SLC9C2: variants seen among roughly 807,000 people sequenced by gnomAD.
The protein encoded by SLC9C2 is sodium/hydrogen exchanger 11.
SLC9C2 carries 75 observed loss-of-function variants against 140.2 expected under a neutral mutation model. The ratio of observed to expected loss-of-function variants is 0.53; its 90% CI spans 0.44 to 0.65. The LOEUF (loss-of-function observed/expected upper bound fraction) is 0.65. Ranked by LOEUF, SLC9C2 falls within the 30% of genes least tolerant of loss-of-function variation. The probability of loss-of-function intolerance (pLI) is 0.00; values close to 1 mark genes in which losing one functional copy is unlikely to be tolerated. For missense variants in SLC9C2, 1,074 were observed against 1,331.8 expected (o/e 0.81, Z 3.01); for synonymous variants, 375 against 420.9 (o/e 0.89, Z 1.34).
rs887627182 is a variant in SLC9C2 at position 173,573,179 on chromosome 1, T to C, written c.1046+3A>G. 6.5e-7 allele frequency: 1 copy of C among 1,532,266 alleles called. No homozygotes were observed. 94.9% of individuals were successfully genotyped at this position (1,532,266 alleles called of 1,614,324 possible). On this transcript the variant is annotated splice_donor_region_variant and intron_variant, in intron 9 of 27. Transcript: ENST00000367714. ...TAAACAAACTTTAAAATATTATTCT[T>C]ACCTTACCAAATTCACTGTTGTAAA...
At chr1:173,527,367 G>A (rs530058563) in intron 18 of SLC9C2, among the ~76,000 whole-genome samples, 3 of 152,152 alleles carry the variant, frequency 2.0e-5, no homozygotes, top group Non-Finnish European at 4.4e-5. Context: ...GCACCAAGGA[G>A]AATTCTCATA....
At chr1:173,587,877 G>T in intron 4 of SLC9C2, 47 bp from the exon 5 acceptor site, 2 of 1,396,618 alleles carry the variant, frequency 1.4e-6, no homozygotes, top group South Asian at 1.4e-5. Flanking sequence ...ATCTAAAGAT[G>T]GCATGATGGC....
At chr1:173,591,730 TG>T (rs1025496556) in intron 4 of SLC9C2, among the ~76,000 whole-genome samples, 1 of 152,234 alleles carries the variant, frequency 6.6e-6, no homozygotes, top group African/African-American at 2.4e-5. Flanking sequence ...GTTGTTTTCT[TG>T]TAAATTTGTC....
chr1:173,506,533 C>T (rs967972066), intron 25 of SLC9C2, among the ~76,000 whole-genome samples: 3 of 152,228 alleles, frequency 2.0e-5, no homozygotes, highest in African/African-American at 4.8e-5. Context: ...TGCTAGAACA[C>T]GGCATCGTTG....
rs1355272728 is a variant in SLC9C2, at chr1:173,554,803, A to C, written c.1227T>G (p.Tyr409Ter). Reference sequence around the variant, plus strand: ...TTGTCAATAATGATATTACTTGTACATAGAGTATAAACTAAAAACAAAGCA... The same window carrying C: ...TTGTCAATAATGATATTACTTGTACCTAGAGTATAAACTAAAAACAAAGCA... ...KVEVPQMFIL[Y>*]VQVISLLTMG... The change falls in exon 11 of 28, where the codon TAT (tyrosine) becomes TAG (stop). Residue 409 changes from tyrosine (Y) to a stop codon, truncating the protein, a stop_gained. Coordinates refer to ENST00000367714, the MANE Select transcript of SLC9C2 (RefSeq NM_178527.4). LOFTEE classifies it high-confidence loss of function. 1 of 1,587,100 alleles carries C rather than the reference A, an allele frequency of 6.3e-7. No homozygotes were observed. Among genetic ancestry groups the C allele is most frequent in the Admixed American group, 1.7e-5 (1 of 59,712 alleles).
At position 173,535,943 on chromosome 1, in the gene SLC9C2, C is replaced by A. The variant is rs1275449677; in HGVS notation, c.1662G>T (p.Met554Ile). 1.3e-6 allele frequency: 2 copies of A among 1,502,128 alleles called. No individual in the cohort carries two copies. Among genetic ancestry groups the A allele is most frequent in the African/African-American group, 2.9e-5 (2 of 68,396 alleles). The allele number at this position is 1,502,128 out of a possible 1,614,324, so 93.0% of individuals were successfully genotyped here. Residue 554 changes from methionine (M) to isoleucine (I), a missense_variant, in exon 15 of 28, where the codon ATG becomes ATT. By Grantham distance (10) the Met-to-Ile change is conservative. Coordinates refer to ENST00000367714, the MANE Select transcript of SLC9C2 (RefSeq NM_178527.4). The stretch of plus-strand genomic sequence containing the variant: ...TATAAGTTGAAACATCATAAATACT[C>A]ATGAATCTAACAGAGAAAAATGTAC... ...KCYYSIQGKFMSIYDVSTYMR... is the reference protein window; with the variant it reads ...KCYYSIQGKFISIYDVSTYMR...
chr1:173,601,725 A>G lies in SLC9C2; in HGVS notation c.52T>C (p.Cys18Arg), dbSNP rs746528975. 15 of 1,614,052 alleles carry G rather than the reference A, an allele frequency of 9.3e-6. No homozygotes were observed. The East Asian group carries it at 3.1e-4, about 34-fold the overall frequency. ...ACAAGGTAGTCAGCTGGCTGCCCGCAGAGTAAATCAGGTCTGTTACTTTCA... is the reference window on the plus strand; with the variant it reads ...ACAAGGTAGTCAGCTGGCTGCCCGCGGAGTAAATCAGGTCTGTTACTTTCA... ...QNESNRPDLL[C>R]GQPADYLVEE... The change falls in exon 2 of 28, where the codon TGC becomes CGC. Residue 18 changes from cysteine (C) to arginine (R), a missense_variant. Physicochemically the swap from Cys to Arg is radical, Grantham distance 180. Coordinates refer to ENST00000367714, the MANE Select transcript of SLC9C2 (RefSeq NM_178527.4).
intron 9 of SLC9C2, among the ~76,000 whole-genome samples, chr1:173,572,254 A>G (rs896738881): frequency 6.6e-6 from 1 of 152,206 alleles, no homozygotes; most frequent in Admixed American, 6.5e-5. Context: ...AGAAAAGATG[A>G]TAAGATGGCT....
chr1:173,589,551 C>T (rs1486001603), intron 4 of SLC9C2, among the ~76,000 whole-genome samples: 2 of 151,662 alleles, frequency 1.3e-5, no homozygotes, highest in African/African-American at 4.8e-5. Context: ...CAGAGCTAGA[C>T]TCTGTCTCAA....
In SLC9C2 at chr1:173,548,488, C is replaced by G. The variant is rs764336229; in HGVS notation, c.1362G>C (p.Glu454Asp). The G allele has an allele frequency of 6.2e-7, 1 of 1,613,826 alleles. No individual in the cohort carries two copies. Among genetic ancestry groups the G allele is most frequent in the Admixed American group, 1.7e-5 (1 of 59,984 alleles). The change falls in exon 12 of 28, where the codon GAG becomes GAC. Residue 454 changes from glutamate to aspartate, a missense_variant. By Grantham distance (45) the Glu-to-Asp change is conservative (BLOSUM62 2). Coordinates refer to ENST00000367714, the MANE Select transcript of SLC9C2 (RefSeq NM_178527.4). ...ATAAAGTTATTGTGTTCTGTACTAT[C>G]TCCTGTATGTGCTGAGTGGCATTTT... ...ILQNATQHIQEIVQNTITLFK... is the reference protein window; with the variant it reads ...ILQNATQHIQDIVQNTITLFK...
Position 173,534,649 on chromosome 1 carries a change from T to A in SLC9C2, c.1809A>T (p.Ile603=). Residue 603 remains isoleucine (I), a synonymous_variant, in exon 16 of 28, where the codon ATA becomes ATT. Coordinates refer to ENST00000367714, the MANE Select transcript of SLC9C2 (RefSeq NM_178527.4). ...TATATTCAAATTCTTCAGAAAATAC[T>A]ATGTGAAATATAAAAGTCAGAAATG... ...SNTFLTFIFH[I]VFSEEFEYTG... 1 of 1,538,978 alleles carries A rather than the reference T, an allele frequency of 6.5e-7. No individual in the cohort carries two copies. The highest frequency in any genetic ancestry group is 8.7e-7 in the Non-Finnish European group (1 of 1,143,462).
At chr1:173,504,611 T>C (rs1404511968) in intron 26 of SLC9C2, among the ~76,000 whole-genome samples, 2 of 152,032 alleles carry the variant, frequency 1.3e-5, no homozygotes, top group African/African-American at 4.8e-5. Flanking sequence ...GCTGGGAGAA[T>C]TTTGTCATTG....
intron 10 of SLC9C2, among the ~76,000 whole-genome samples, chr1:173,555,506 C>G (rs1335217987): frequency 6.6e-6 from 1 of 152,138 alleles, no homozygotes; most frequent in Non-Finnish European, 1.5e-5. Flanking sequence ...CATACTGACT[C>G]CCGCTGTGGG....
Position 173,522,177 on chromosome 1 carries a change from G to A in SLC9C2, c.2641-778C>T, listed in dbSNP as rs76470462. Among the ~76,000 whole-genome samples, 22 of 151,502 alleles carry A rather than the reference G, an allele frequency of 1.5e-4. No individual in the cohort carries two copies. In the East Asian group the frequency reaches 4.1e-3, roughly 28 times the overall value. ...GTGGAGCTTGCAGTGAGCCGAGATC[G>A]TGCCACTGCATTCCAGCCTGGGCGA... is the stretch of plus-strand genomic sequence containing the variant. On this transcript the variant is annotated intron_variant, in intron 21 of 27. Coordinates refer to ENST00000367714, the MANE Select transcript of SLC9C2 (RefSeq NM_178527.4).
intron 24 of SLC9C2, among the ~76,000 whole-genome samples, chr1:173,507,515 C>T (rs1156949501): frequency 6.6e-6 from 1 of 152,008 alleles, no homozygotes; most frequent in Non-Finnish European, 1.5e-5. Context: ...TGTGCACACA[C>T]ACACACACAC....
Position 173,503,310 on chromosome 1 carries a change from G to A in SLC9C2, c.3327C>T (p.Val1109=), listed in dbSNP as rs538975028. ...TTATATTCTTTCCTGGTTGTTCAAA[G>A]ACCGTGTTGACTGAGGCTAACCAAA... is the stretch of plus-strand genomic sequence containing the variant. The part of the protein sequence containing the change: ...NTNVMASVNT[V]FEQPGKNING... The change falls in exon 27 of 28, where the codon GTC becomes GTT. Residue 1109 remains valine, a synonymous_variant. Transcript: ENST00000367714. 17 of 1,613,622 alleles carry A rather than the reference G, an allele frequency of 1.1e-5. No individual in the cohort carries two copies. The highest frequency in any genetic ancestry group is 1.3e-5 in the Non-Finnish European group (15 of 1,179,874).
intron 4 of SLC9C2, among the ~76,000 whole-genome samples, chr1:173,591,327 C>A (rs1666148892): frequency 6.6e-6 from 1 of 152,126 alleles, no homozygotes; most frequent in African/African-American, 2.4e-5. Flanking sequence ...ACTAGTGCTG[C>A]AATGAATATT....
chr1:173,561,633 C>G (rs1416323536), intron 9 of SLC9C2, among the ~76,000 whole-genome samples: 1 of 152,042 alleles, frequency 6.6e-6, no homozygotes, highest in African/African-American at 2.4e-5. Context: ...TATGACTAAC[C>G]TGAGGGACTT....
intron 23 of SLC9C2, among the ~76,000 whole-genome samples, chr1:173,511,683 T>C (rs1321999025): frequency 1.3e-5 from 2 of 152,240 alleles, no homozygotes; most frequent in Non-Finnish European, 1.5e-5. Context: ...ATTTAGGCTT[T>C]TGTTGCAATT....
Sources: allele counts gnomAD v4.1 joint callset (sites outside exome capture counted in the v4.1 genomes callset), GRCh38; gene constraint gnomAD v4.1.1; transcripts MANE v1.5; gene names NCBI Gene and HGNC (gene_info 2026-07-23, HGNC 2026-07-21).